Variants in ENTPD6 observed in about 807,000 individuals in gnomAD.
ENTPD6 encodes the protein CD39 antigen-like 2.
In ENTPD6, 46 loss-of-function variants were observed where a neutral mutation model predicts 61.5. That is an observed-to-expected ratio of 0.75 (90% CI 0.59 to 0.96). The LOEUF is 0.96. ENTPD6 is among the 40% of genes least tolerant of loss of function. ENTPD6 has a pLI of 0.00. For synonymous variants in ENTPD6, 252 were observed against 255.5 expected, an observed-to-expected ratio of 0.99 and a Z score of 0.13; for missense variants, 612 against 629.0, an observed-to-expected ratio of 0.97 and a Z score of 0.29.
chr20:25,225,147 C>A, intron 13 of ENTPD6, 58 bp from the exon 14 acceptor site: 1 of 1,560,632 alleles, frequency 6.4e-7, no homozygotes, highest in Non-Finnish European at 8.7e-7. Context: ...TCTGCACTTG[C>A]CCCTCCGCCC....
At chr20:25,203,612 T>C (rs1425693189) in intron 1 of ENTPD6, among the ~76,000 whole-genome samples, 1 of 152,234 alleles carries the variant, frequency 6.6e-6, no homozygotes, top group Non-Finnish European at 1.5e-5. Context: ...TTATAATTTC[T>C]CATTTTGTTG....
At position 25,226,040 on chromosome 20, in the gene ENTPD6, G is replaced by T. The variant is rs2092787674; in HGVS notation, c.*443G>T. ...TGCAAGAGTCTGGGAGGCGGTGCAGGCTGTCCTGGCTGCTCTGGGGAAGCC... is the reference window on the plus strand; with the variant it reads ...TGCAAGAGTCTGGGAGGCGGTGCAGTCTGTCCTGGCTGCTCTGGGGAAGCC... On this transcript the variant is annotated 3_prime_UTR_variant, in exon 15 of 15. Transcript: ENST00000376652. 1 of 156,358 alleles carries T rather than the reference G, an allele frequency of 6.4e-6. No individual in the cohort carries two copies. Among genetic ancestry groups the T allele is most frequent in the Admixed American group, 6.4e-5 (1 of 15,678 alleles). The allele number at this position is 156,358 out of a possible 1,614,324, so 9.7% of individuals were successfully genotyped here. A position where few individuals can be genotyped will look rare whatever the true frequency, so the allele number is the denominator to read the frequency against.
At position 25,226,442 on chromosome 20, in the gene ENTPD6, C is replaced by T. The variant is rs1350296992; in HGVS notation, c.*845C>T. ...GAATGTATCGCTACTGTGAGCTGTT[C>T]CCGCCTAGCCAGGGCCATGTCTTAG... On this transcript the variant is annotated 3_prime_UTR_variant, in exon 15 of 15. Transcript: ENST00000376652. 1 of 152,614 alleles carries T rather than the reference C, an allele frequency of 6.6e-6. No homozygotes were observed. 9.5% of individuals were successfully genotyped at this position (152,614 alleles called of 1,614,324 possible).
At chr20:25,196,375 C>A in intron 1 of ENTPD6, 1 of 292,330 alleles carries the variant, frequency 3.4e-6, no homozygotes, top group Non-Finnish European at 5.1e-6. Context: ...ACCTGTGAGC[C>A]GCGAATGCCC....
Position 25,215,681 on chromosome 20 carries a change from T to G in ENTPD6, c.679T>G (p.Ser227Ala), listed in dbSNP as rs1408751364. 18 of 1,614,124 alleles carry G rather than the reference T, an allele frequency of 1.1e-5. No homozygotes were observed. Among genetic ancestry groups the G allele is most frequent in the Non-Finnish European group, 1.5e-5 (18 of 1,180,044 alleles). Residue 227 changes from serine (S) to alanine (A), a missense_variant, in exon 7 of 15, where the codon TCG (serine) becomes GCG (alanine). Transcript: ENST00000376652. ...CCTGTGACACTCTCTTGCAGGCGTT[T>G]CGGCGTGGATCACCATCAACTTCCT... is the stretch of plus-strand genomic sequence containing the variant. The part of the protein sequence containing the change: ...SIMNGTDEGV[S>A]AWITINFLTG...
chr20:25,225,528 C>T lies in ENTPD6; in HGVS notation c.1386C>T (p.Thr462=). The T allele has an allele frequency of 6.2e-7, 1 of 1,614,046 alleles. No homozygotes were observed. The highest frequency in any genetic ancestry group is 1.1e-5 in the South Asian group (1 of 91,058). Residue 462 remains threonine (T), a synonymous_variant, in exon 15 of 15, where the codon ACC becomes ACT. Transcript: ENST00000376652. ...CTCGGAAAATTGACAATGTTGAGAC[C>T]AGCTGGGCTCTGGGGGCCATTTTTC... ...KLTRKIDNVE[T]SWALGAIFHY...
intron 7 of ENTPD6, 56 bp downstream of exon 7, chr20:25,215,767 C>G: frequency 6.4e-7 from 1 of 1,560,360 alleles, no homozygotes; most frequent in East Asian, 2.2e-5. Context: ...GCGGAGGGCT[C>G]GACTGGGCCT....
rs2091037195 is a variant in ENTPD6, at chr20:25,201,600, T to G, written c.-15-4922T>G. On this transcript the variant is annotated intron_variant, in intron 1 of 14. Transcript: ENST00000376652. ...GCAACCCCTGCTCTCCTTTGGTCAC[T>G]CTTTGAATTGACTCTTTTCCATTCT... is the stretch of plus-strand genomic sequence containing the variant. Among the ~76,000 whole-genome samples the G allele has an allele frequency of 2.0e-5, 3 of 152,230 alleles. 1 individual carries two copies. The South Asian group carries it at 6.2e-4, about 32-fold the overall frequency.
At chr20:25,206,299 C>T (rs1326935719) in intron 1 of ENTPD6, among the ~76,000 whole-genome samples, 1 of 152,224 alleles carries the variant, frequency 6.6e-6, no homozygotes, top group Non-Finnish European at 1.5e-5. Flanking sequence ...GATGGACGTT[C>T]CCCAAGGTTG....
At position 25,218,383 on chromosome 20, in the gene ENTPD6, A is replaced by G. The variant is rs139679125; in HGVS notation, c.879-167A>G. The stretch of plus-strand genomic sequence containing the variant: ...CCCTCGTGTGTTGAATTAATTAGCT[A>G]AGTTTCCTCAACTCTACAGAAACAG... On this transcript the variant is annotated intron_variant, in intron 9 of 14. Coordinates refer to ENST00000376652, the MANE Select transcript of ENTPD6 (RefSeq NM_001247.5). 3.2e-4 allele frequency among the ~76,000 whole-genome samples: 49 copies of G among 152,274 alleles called. 1 individual carries two copies. In the East Asian group the frequency reaches 9.1e-3, roughly 28 times the overall value.
intron 4 of ENTPD6, among the ~76,000 whole-genome samples, chr20:25,211,676 T>A (rs893615162): frequency 1.3e-5 from 2 of 152,234 alleles, no homozygotes; most frequent in Admixed American, 1.3e-4. Flanking sequence ...GCTGCACACT[T>A]ACCTCATGGA....
At chr20:25,207,947 G>T (rs2091653099) in intron 3 of ENTPD6, among the ~76,000 whole-genome samples, 1 of 152,172 alleles carries the variant, frequency 6.6e-6, no homozygotes, top group Non-Finnish European at 1.5e-5. Flanking sequence ...TCTCTTGAGG[G>T]GTCCCCCTCG....
At chr20:25,217,787 A>G (rs990509916) in intron 9 of ENTPD6, among the ~76,000 whole-genome samples, 7 of 148,768 alleles carry the variant, frequency 4.7e-5, no homozygotes, top group Non-Finnish European at 7.4e-5. Flanking sequence ...GTATACGCAC[A>G]TTCACCCAGA....
Position 25,206,575 on chromosome 20 carries a change from G to A in ENTPD6, c.39G>A (p.Thr13=), listed in dbSNP as rs147291794. The part of the protein sequence containing the change: ...KGIRYETSRK[T]SYIFQQPQHG... ...TCCGTTATGAAACTTCCAGAAAAACGAGCTACATTTTTCAGGTTTGTCTGG... is the reference window on the plus strand; with the variant it reads ...TCCGTTATGAAACTTCCAGAAAAACAAGCTACATTTTTCAGGTTTGTCTGG... Residue 13 remains threonine, a synonymous_variant, in exon 2 of 15, where the codon ACG becomes ACA. Coordinates refer to ENST00000376652, the MANE Select transcript of ENTPD6 (RefSeq NM_001247.5). 23 of 1,613,454 alleles carry A rather than the reference G, an allele frequency of 1.4e-5. 1 individual carries two copies. Among genetic ancestry groups the A allele is most frequent in the South Asian group, 3.3e-5 (3 of 91,074 alleles).
chr20:25,214,673 A>C, intron 5 of ENTPD6, 194 bp from the exon 6 acceptor site: 1 of 585,664 alleles, frequency 1.7e-6, no homozygotes, highest in South Asian at 2.0e-5. Flanking sequence ...AAAACCCTTA[A>C]CCATAAATTC....
intron 1 of ENTPD6, 163 bp downstream of exon 1, chr20:25,196,030 C>T: frequency 1.2e-6 from 1 of 840,584 alleles, no homozygotes. Flanking sequence ...ATTAGGGCTC[C>T]CTGGATGTCT....
At chr20:25,209,599 TAATA>T (rs1177466371) in intron 3 of ENTPD6, among the ~76,000 whole-genome samples, 4 of 150,310 alleles carry the variant, frequency 2.7e-5, no homozygotes, top group Non-Finnish European at 5.9e-5. Flanking sequence ...AAAATAATTA[TAATA>T]AATAATAATT....
intron 7 of ENTPD6, 87 bp from the exon 8 acceptor site, chr20:25,216,561 C>T: frequency 1.1e-6 from 1 of 927,870 alleles, no homozygotes; most frequent in Non-Finnish European, 1.7e-6. Context: ...TTTCTTTCCC[C>T]TGAGGGCCTG....
At chr20:25,220,331 G>T (rs1275827054) in intron 10 of ENTPD6, among the ~76,000 whole-genome samples, 1 of 151,572 alleles carries the variant, frequency 6.6e-6, no homozygotes, top group African/African-American at 2.4e-5. Flanking sequence ...AGACCCTCCC[G>T]CTGGGGTCCT....
Sources: allele counts gnomAD v4.1 joint callset (sites outside exome capture counted in the v4.1 genomes callset), GRCh38; gene constraint gnomAD v4.1.1; transcripts MANE v1.5; gene names NCBI Gene and HGNC (gene_info 2026-07-23, HGNC 2026-07-21).